Variants in FAM227B observed in about 807,000 individuals in gnomAD.
The protein encoded by FAM227B is protein FAM227B.
A neutral mutation model predicts 73.8 loss-of-function variants in FAM227B; 88 were observed. The ratio of observed to expected loss-of-function variants is 1.19; its 90% CI spans 1.00 to 1.42. The LOEUF (loss-of-function observed/expected upper bound fraction) is 1.42. FAM227B is among the 40% of genes most tolerant of loss of function. FAM227B has a pLI of 0.00. For missense variants in FAM227B, 632 were observed against 590.9 expected, an observed-to-expected ratio of 1.07 and a Z score of -0.72; for synonymous variants, 210 against 190.5, an observed-to-expected ratio of 1.10 and a Z score of -0.84.
chr15:49,547,333 T>C (rs4619340), intron 9 of FAM227B, among the ~76,000 whole-genome samples: 1 of 148,666 alleles, frequency 6.7e-6, no homozygotes, highest in Non-Finnish European at 1.5e-5. Flanking sequence ...ACATGCCAAA[T>C]TGTAAAGACC....
chr15:49,494,346 T>C (rs2057410002), intron 11 of FAM227B, among the ~76,000 whole-genome samples: 2 of 151,844 alleles, frequency 1.3e-5, no homozygotes, highest in Admixed American at 6.6e-5. Context: ...AAGAAACGTA[T>C]ATTGTCAAGA....
intron 11 of FAM227B, among the ~76,000 whole-genome samples, chr15:49,421,970 A>C (rs1176449844): frequency 2.0e-5 from 3 of 152,232 alleles, no homozygotes; most frequent in Admixed American, 6.5e-5. Flanking sequence ...AACTGGGTAC[A>C]TCTGAACTAT....
intron 11 of FAM227B, among the ~76,000 whole-genome samples, chr15:49,463,427 G>T (rs372719286): frequency 6.6e-6 from 1 of 151,730 alleles, no homozygotes; most frequent in Non-Finnish European, 1.5e-5. Flanking sequence ...GGTGATGGGC[G>T]CCTGTAATCC....
chr15:49,476,606 T>TGAC (rs2055343488), intron 11 of FAM227B, among the ~76,000 whole-genome samples: 2 of 151,744 alleles, frequency 1.3e-5, no homozygotes, highest in South Asian at 4.1e-4. Context: ...TAGTAATTAA[T>TGAC]AAATCACATA....
chr15:49,462,499 T>C (rs547441748), intron 11 of FAM227B, among the ~76,000 whole-genome samples: 9 of 152,200 alleles, frequency 5.9e-5, no homozygotes, highest in African/African-American at 1.9e-4. Flanking sequence ...ATTTCTAACA[T>C]AATTTGTTAA....
intron 14 of FAM227B, among the ~76,000 whole-genome samples, chr15:49,332,087 C>CCCCACACA (rs907403896): frequency 7.8e-6 from 1 of 127,854 alleles, no homozygotes; most frequent in African/African-American, 2.6e-5. Flanking sequence ...TGCACACGTG[C>CCCCACACA]CACACACACA....
At chr15:49,610,706 T>G (rs1464160024) in intron 3 of FAM227B, among the ~76,000 whole-genome samples, 1 of 152,146 alleles carries the variant, frequency 6.6e-6, no homozygotes, top group Non-Finnish European at 1.5e-5. Context: ...CACTTGCAGA[T>G]GCATGGATCC....
chr15:49,615,569 G>A (rs1037954827), intron 1 of FAM227B, among the ~76,000 whole-genome samples: 1 of 152,080 alleles, frequency 6.6e-6, no homozygotes, highest in Non-Finnish European at 1.5e-5. Context: ...AGCCATGTAG[G>A]ACGCATCTGC....
At chr15:49,391,806 C>G (rs1166551996) in intron 11 of FAM227B, among the ~76,000 whole-genome samples, 1 of 152,150 alleles carries the variant, frequency 6.6e-6, no homozygotes, top group Non-Finnish European at 1.5e-5. Context: ...ACTGTAACTT[C>G]TGCTTTCCTA....
rs891415908 is a variant in FAM227B, at chr15:49,357,585, G to A, written c.1271+9863C>T. ...GACCAATAACAGGAGCTGAAATTGT[G>A]GCAATAATCAATAGCTTACCAACCA... On this transcript the variant is annotated intron_variant, in intron 13 of 15. Transcript: ENST00000299338. Among the ~76,000 whole-genome samples the A allele has an allele frequency of 8.6e-5, 13 of 151,354 alleles. No individual in the cohort carries two copies. In the South Asian group the frequency reaches 1.9e-3, roughly 22 times the overall value.
chr15:49,575,030 C>A lies in FAM227B; in HGVS notation c.626G>T (p.Trp209Leu). Residue 209 changes from tryptophan (W) to leucine (L), a missense_variant, in exon 8 of 16, where the codon TGG becomes TTG. Coordinates refer to ENST00000299338, the MANE Select transcript of FAM227B (RefSeq NM_152647.3). ...IALLHDSFWW[W>L]FLHKFRPDRE... ...CTATACCCTAAATTTATGGAGAAAC[C>A]ACCACCAAAAGGAGTCATGCAAAAG... The A allele has an allele frequency of 6.3e-7, 1 of 1,584,924 alleles. No homozygotes were observed. The highest frequency in any genetic ancestry group is 8.6e-7 in the Non-Finnish European group (1 of 1,164,696).
At chr15:49,485,634 A>G (rs1206706718) in intron 11 of FAM227B, 1 of 152,508 alleles carries the variant, frequency 6.6e-6, no homozygotes, top group East Asian at 1.9e-4. Context: ...GCAGACAAAA[A>G]TAAGAGCCTG....
At chr15:49,584,259 A>G (rs897512845) in intron 5 of FAM227B, among the ~76,000 whole-genome samples, 2 of 152,222 alleles carry the variant, frequency 1.3e-5, no homozygotes, top group Admixed American at 1.3e-4. Flanking sequence ...CTCAAATAAA[A>G]AAATGACATG....
intron 11 of FAM227B, among the ~76,000 whole-genome samples, chr15:49,392,964 G>A (rs72727276): frequency 0.051 from 7,735 of 152,150 alleles, 266 homozygotes; most frequent in East Asian, 0.071. Flanking sequence ...TTAACTGAGT[G>A]TAGTTTTTTG....
At chr15:49,548,714 C>G (rs1346457115) in intron 9 of FAM227B, among the ~76,000 whole-genome samples, 1 of 152,088 alleles carries the variant, frequency 6.6e-6, no homozygotes, top group Non-Finnish European at 1.5e-5. Flanking sequence ...TTGGTTTGTT[C>G]AGGATTTGAA....
chr15:49,590,854 T>C (rs2076479930), intron 3 of FAM227B, among the ~76,000 whole-genome samples: 1 of 152,110 alleles, frequency 6.6e-6, no homozygotes, highest in South Asian at 2.1e-4. Context: ...GACTCCATTC[T>C]ACTCTCTGCT....
chr15:49,509,102 A>G (rs552945250), intron 10 of FAM227B, among the ~76,000 whole-genome samples: 1 of 152,258 alleles, frequency 6.6e-6, no homozygotes, highest in Admixed American at 6.5e-5. Context: ...TAATTTCAGT[A>G]GGCTTTAGTG....
At chr15:49,550,571 G>A (rs142699530) in intron 9 of FAM227B, among the ~76,000 whole-genome samples, 48,628 of 150,582 alleles carry the variant, frequency 0.32, 8,525 homozygotes, top group African/African-American at 0.45. Context: ...CAGACGGGGC[G>A]GCTGGGCAGA....
At chr15:49,424,432 C>T (rs746522643) in intron 11 of FAM227B, 4 of 1,613,660 alleles carry the variant, frequency 2.5e-6, no homozygotes, top group Non-Finnish European at 8.5e-7. Flanking sequence ...CAAATGTGAA[C>T]TGTTCCAGCC....
Sources: allele counts gnomAD v4.1 joint callset (sites outside exome capture counted in the v4.1 genomes callset), GRCh38; gene constraint gnomAD v4.1.1; transcripts MANE v1.5; gene names NCBI Gene and HGNC (gene_info 2026-07-23, HGNC 2026-07-21).